Variants in JAKMIP1 observed in about 807,000 individuals in gnomAD.
JAKMIP1 encodes janus kinase and microtubule interacting protein 1, also known as janus kinase and microtubule-interacting protein 1.
Under a neutral mutation model 113.0 loss-of-function variants are expected in JAKMIP1, and 33 were observed. The observed-to-expected ratio is 0.29, with a 90% CI of 0.22 to 0.39. The LOEUF is 0.39. JAKMIP1 is among the 10% of genes least tolerant of loss of function. JAKMIP1 has a pLI of 1.00. For missense variants in JAKMIP1, 813 were observed against 1,080.5 expected (o/e 0.75, Z 3.47); for synonymous variants, 480 against 459.9 (o/e 1.04, Z -0.56).
At chr4:6,082,449 A>C (rs1720713780) in intron 5 of JAKMIP1, among the ~76,000 whole-genome samples, 1 of 150,842 alleles carries the variant, frequency 6.6e-6, no homozygotes, top group Non-Finnish European at 1.5e-5. Context: ...GTCAGTAAAG[A>C]CCCATATGTA....
chr4:6,161,071 T>TCTCCACTCACCTCCTCCGAG (rs1722874224), intron 1 of JAKMIP1, among the ~76,000 whole-genome samples: 1 of 114,744 alleles, frequency 8.7e-6, no homozygotes, highest in African/African-American at 3.6e-5. Context: ...CCTCCTCTGA[T>TCTCCACTCACCTCCTCCGAG]CTCCACTCAC....
chr4:6,120,109 A>G (rs915845528), intron 1 of JAKMIP1, among the ~76,000 whole-genome samples: 1 of 152,106 alleles, frequency 6.6e-6, no homozygotes, highest in African/African-American at 2.4e-5. Flanking sequence ...GAAAATATGA[A>G]TGGGCTAGGT....
rs1001054245 is a variant in JAKMIP1 at position 6,067,400 on chromosome 4, C to A, written c.1303-2392G>T. On this transcript the variant is annotated intron_variant, in intron 8 of 20. Coordinates refer to ENST00000409021, the MANE Select transcript of JAKMIP1 (RefSeq NM_001099433.2). This position sits in a 1 kb window ranked among gnomAD's most constrained non-coding sequence, Gnocchi z 4.6. Reference sequence around the variant, plus strand: ...GGTACGTGAAGACTATGGGCACCATCAACTTCAATGTCATTTCTCTCCTTG... The same window carrying A: ...GGTACGTGAAGACTATGGGCACCATAAACTTCAATGTCATTTCTCTCCTTG... Among the ~76,000 whole-genome samples, 1 of 152,182 alleles carries A rather than the reference C, an allele frequency of 6.6e-6. No individual in the cohort carries two copies. Among genetic ancestry groups the A allele is most frequent in the African/African-American group, 2.4e-5 (1 of 41,420 alleles).
intron 4 of JAKMIP1, 53 bp from the exon 5 acceptor site, chr4:6,085,018 A>G: frequency 6.6e-7 from 1 of 1,516,914 alleles, no homozygotes; most frequent in Non-Finnish European, 8.8e-7. Flanking sequence ...TGTACTTTGA[A>G]GAAGTTGTGT....
chr4:6,053,642 G>A (rs550743155), intron 13 of JAKMIP1: 6 of 278,552 alleles, frequency 2.2e-5, no homozygotes, highest in African/African-American at 1.1e-4. Flanking sequence ...TTAAAAAGGT[G>A]TGTTATTAAT....
intron 19 of JAKMIP1, among the ~76,000 whole-genome samples, chr4:6,033,349 C>T (rs989329393): frequency 6.6e-6 from 1 of 152,114 alleles, no homozygotes; most frequent in Non-Finnish European, 1.5e-5. Context: ...GTTGCCAGAG[C>T]ACCTGGTTGT....
At chr4:6,072,088 T>A (rs1208176483) in intron 8 of JAKMIP1, among the ~76,000 whole-genome samples, 1 of 152,256 alleles carries the variant, frequency 6.6e-6, no homozygotes, top group Non-Finnish European at 1.5e-5. Flanking sequence ...AGCTGCTCCA[T>A]GTTCACCTTA....
rs574707141 is a variant in JAKMIP1, at chr4:6,103,336, T to C, written c.624+2137A>G. On this transcript the variant is annotated intron_variant, in intron 3 of 20. Transcript: ENST00000409021. The stretch of plus-strand genomic sequence containing the variant: ...CAGTGATTTTAGAATATGAAGCCAA[T>C]CTTTATATTTTCAGAATAAACCCAG... 4.6e-5 allele frequency among the ~76,000 whole-genome samples: 7 copies of C among 152,346 alleles called. No homozygotes were observed. The East Asian group carries it at 1.3e-3, about 29-fold the overall frequency.
chr4:6,079,102 A>G, intron 7 of JAKMIP1, 104 bp from the exon 8 acceptor site: 1 of 1,206,528 alleles, frequency 8.3e-7, no homozygotes, highest in Admixed American at 1.9e-5. Context: ...CGCACCAGGC[A>G]TGGCTAGTTG....
intron 10 of JAKMIP1, 42 bp from the exon 11 acceptor site, chr4:6,060,549 T>G (rs751379887): frequency 1.4e-6 from 2 of 1,426,902 alleles, no homozygotes; most frequent in South Asian, 2.3e-5. Flanking sequence ...TCACCTCCAA[T>G]GGGTGACAGG....
chr4:6,154,674 A>G lies in JAKMIP1; in HGVS notation c.-147-41677T>C, dbSNP rs1460630483. On this transcript the variant is annotated intron_variant, in intron 1 of 20. Coordinates refer to ENST00000409021, the MANE Select transcript of JAKMIP1 (RefSeq NM_001099433.2). The surrounding 1 kb of genome is among the most constrained non-coding windows in gnomAD (Gnocchi z 4.2). The stretch of plus-strand genomic sequence containing the variant: ...CAACTCTGCAGCCCTGGCAAATGGA[A>G]TTCTTTTCAATCCGGCCCGCTGAAC... Among the ~76,000 whole-genome samples, 1 of 151,802 alleles carries G rather than the reference A, an allele frequency of 6.6e-6. No individual in the cohort carries two copies. The highest frequency in any genetic ancestry group is 1.5e-5 in the Non-Finnish European group (1 of 67,986).
chr4:6,161,757 G>A (rs1578424436), intron 1 of JAKMIP1, among the ~76,000 whole-genome samples: 2 of 152,048 alleles, frequency 1.3e-5, no homozygotes, highest in Admixed American at 1.3e-4. Flanking sequence ...GTCCACTCTG[G>A]ATGCTGGATG....
rs71173403 is a variant in JAKMIP1, at chr4:6,080,984, T to TACACACAC, written c.1101+617_1101+624dup. ...GGAGAGGACTTCACACAACAGCAAT[T>TACACACAC]ACACACACACACACACACACACACA... On this transcript the variant is annotated intron_variant, in intron 6 of 20. Transcript: ENST00000409021. The surrounding 1 kb of genome is among the most constrained non-coding windows in gnomAD (Gnocchi z 6.0). Among the ~76,000 whole-genome samples, 1,303 of 141,040 alleles carry TACACACAC rather than the reference T, an allele frequency of 9.2e-3. 13 individuals carry two copies. Among genetic ancestry groups the TACACACAC allele is most frequent in the Middle Eastern group, 0.025 (7 of 282 alleles). The allele number at this position is 141,040 out of a possible 152,430, so 92.5% of individuals were successfully genotyped here. A position where few individuals can be genotyped will look rare whatever the true frequency, so the allele number is the denominator to read the frequency against.
chr4:6,087,980 C>A (rs1721534612), intron 3 of JAKMIP1, among the ~76,000 whole-genome samples: 1 of 152,186 alleles, frequency 6.6e-6, no homozygotes, highest in Admixed American at 6.5e-5. Flanking sequence ...GTCCCTTCCA[C>A]AGGAGGAATC....
intron 1 of JAKMIP1, among the ~76,000 whole-genome samples, chr4:6,173,940 G>A (rs1725041328): frequency 6.6e-6 from 1 of 152,104 alleles, no homozygotes; most frequent in South Asian, 2.1e-4. Flanking sequence ...AATTTAGCCA[G>A]GAATTGTGAT....
chr4:6,090,221 C>CAA (rs200374116), intron 3 of JAKMIP1, among the ~76,000 whole-genome samples: 18 of 139,480 alleles, frequency 1.3e-4, no homozygotes, highest in Middle Eastern at 3.6e-3. Flanking sequence ...GAGTCCATTT[C>CAA]AAAAAAAAAA....
chr4:6,173,678 G>A lies in JAKMIP1; in HGVS notation c.-148+26575C>T, dbSNP rs544177275. ...TTTTTCTATCTATAAGGATAGATGT[G>A]TGTATTTCTATCCTTGTGGGCCATT... On this transcript the variant is annotated intron_variant, in intron 1 of 20. Transcript: ENST00000409021. 1.2e-4 allele frequency among the ~76,000 whole-genome samples: 19 copies of A among 152,304 alleles called. No individual in the cohort carries two copies. The South Asian group carries it at 3.1e-3, about 25-fold the overall frequency.
chr4:6,159,020 T>G (rs531289110), intron 1 of JAKMIP1, among the ~76,000 whole-genome samples: 1 of 151,324 alleles, frequency 6.6e-6, no homozygotes, highest in African/African-American at 2.4e-5. Context: ...GCCCTGGAGG[T>G]CTAGGCTGCA....
At position 6,112,961 on chromosome 4, in the gene JAKMIP1, A is replaced by G. The variant is rs1414712655; in HGVS notation, c.-111T>C. ...CGTGCTAACCAGTCGCGCAGGACTC[A>G]GCTCGCCCTCCGAGGAAACCACCAT... is the stretch of plus-strand genomic sequence containing the variant. On this transcript the variant is annotated 5_prime_UTR_variant, in exon 2 of 21. Transcript: ENST00000409021. 3 of 1,420,826 alleles carry G rather than the reference A, an allele frequency of 2.1e-6. No individual in the cohort carries two copies. The Admixed American group carries it at 7.5e-5, about 35-fold the overall frequency. 88.0% of individuals were successfully genotyped at this position (1,420,826 alleles called of 1,614,324 possible).
Sources: gnomAD v4.1 joint callset for allele counts (sites outside exome capture counted in the v4.1 genomes callset) on GRCh38, gnomAD v4.1.1 for gene constraint, Gnocchi (gnomAD v3.1) non-coding constraint, MANE v1.5 for transcripts, NCBI Gene and HGNC (gene_info 2026-07-23, HGNC 2026-07-21) for gene names.